PKN2: variants seen among roughly 807,000 people sequenced by gnomAD.
The protein encoded by PKN2 is protein kinase N2.
PKN2 carries 38 observed loss-of-function variants against 119.1 expected under a neutral mutation model. The ratio of observed to expected loss-of-function variants is 0.32; its 90% confidence interval spans 0.25 to 0.42. The LOEUF is 0.42. PKN2 is among the 10% of genes least tolerant of loss of function. The pLI, the probability that PKN2 is intolerant of heterozygous loss-of-function variation, is 1.00. For synonymous variants in PKN2, 390 were observed against 384.9 expected, an observed-to-expected ratio of 1.01 and a Z score of -0.15; for missense variants, 850 against 1,165.1, an observed-to-expected ratio of 0.73 and a Z score of 3.94.
In PKN2 at chr1:88,825,770, C is replaced by T. The variant is rs1672476149; in HGVS notation, c.2419+1384C>T. Among the ~76,000 whole-genome samples, 5 of 152,150 alleles carry T rather than the reference C, an allele frequency of 3.3e-5. No homozygotes were observed. The South Asian group carries it at 1.0e-3, about 31-fold the overall frequency. On this transcript the variant is annotated intron_variant, in intron 18 of 21. Coordinates refer to ENST00000370521, the MANE Select transcript of PKN2 (RefSeq NM_006256.4). ...TTAAGGAGTCCATATAAATACAGATCGGACCATGGCACATACCTGCTGAAA... is the reference window on the plus strand; with the variant it reads ...TTAAGGAGTCCATATAAATACAGATTGGACCATGGCACATACCTGCTGAAA...
At chr1:88,807,478 T>C in intron 13 of PKN2, 35 bp downstream of exon 13, 3 of 1,604,932 alleles carry the variant, frequency 1.9e-6, no homozygotes, top group Non-Finnish European at 2.6e-6. Flanking sequence ...CGACTACATG[T>C]TTGGTACCAT....
chr1:88,731,938 G>GT, intron 1 of PKN2, among the ~76,000 whole-genome samples: 1 of 152,288 alleles, frequency 6.6e-6, no homozygotes, highest in Middle Eastern at 3.4e-3. Flanking sequence ...GTCAGTTTAT[G>GT]TTTGAGTCTA....
chr1:88,762,658 A>G (rs963147224), intron 3 of PKN2, among the ~76,000 whole-genome samples: 1 of 152,310 alleles, frequency 6.6e-6, no homozygotes, highest in Non-Finnish European at 1.5e-5. Flanking sequence ...TAAGAGACCC[A>G]CTATCTTAAA....
At chr1:88,768,878 T>G (rs181462116) in intron 3 of PKN2, among the ~76,000 whole-genome samples, 46 of 152,296 alleles carry the variant, frequency 3.0e-4, no homozygotes, top group African/African-American at 1.1e-3. Flanking sequence ...GTGCTTCTGT[T>G]GAGGGCCTCA....
At chr1:88,752,651 C>T (rs960110259) in intron 2 of PKN2, among the ~76,000 whole-genome samples, 6 of 152,104 alleles carry the variant, frequency 3.9e-5, no homozygotes, top group African/African-American at 1.4e-4. Flanking sequence ...AATGAAATGA[C>T]TTACCTGTAA....
At chr1:88,827,992 C>G (rs908458502) in intron 18 of PKN2, among the ~76,000 whole-genome samples, 1 of 151,796 alleles carries the variant, frequency 6.6e-6, no homozygotes, top group Non-Finnish European at 1.5e-5. Flanking sequence ...CCCAAAGTGC[C>G]GTGATTACAA....
intron 18 of PKN2, 72 bp from the exon 19 acceptor site, chr1:88,828,409 A>T (rs1672595242): frequency 2.2e-6 from 3 of 1,369,974 alleles, no homozygotes; most frequent in Non-Finnish European, 3.0e-6. Context: ...CCTCCCAAAG[A>T]TAGCTTTGAT....
chr1:88,826,906 T>G (rs751855003), intron 18 of PKN2, among the ~76,000 whole-genome samples: 8 of 152,128 alleles, frequency 5.3e-5, no homozygotes, highest in African/African-American at 1.2e-4. Flanking sequence ...TATATCACTG[T>G]TTTTTTAAAT....
chr1:88,788,177 T>C (rs1030087135), intron 8 of PKN2, among the ~76,000 whole-genome samples: 3 of 152,190 alleles, frequency 2.0e-5, no homozygotes, highest in African/African-American at 7.2e-5. Context: ...TTTTTAGAGT[T>C]GTAGGATAAT....
chr1:88,755,145 T>G (rs532853623), intron 2 of PKN2, among the ~76,000 whole-genome samples: 18 of 152,250 alleles, frequency 1.2e-4, no homozygotes, highest in East Asian at 7.7e-4. Flanking sequence ...TTAAAAAATT[T>G]TTTGAATGGT....
chr1:88,760,188 C>G (rs761896065), intron 2 of PKN2, 34 bp from the exon 3 acceptor site: 43 of 1,211,260 alleles, frequency 3.6e-5, no homozygotes, highest in Non-Finnish European at 5.1e-5. Context: ...GCAATTCATT[C>G]TAATAAGTAA....
intron 1 of PKN2, among the ~76,000 whole-genome samples, chr1:88,703,955 A>G (rs1189945007): frequency 6.6e-6 from 1 of 152,174 alleles, no homozygotes; most frequent in Non-Finnish European, 1.5e-5. Flanking sequence ...TAAGAGACTT[A>G]AAAAGGCTTT....
In PKN2 at chr1:88,784,713, G is replaced by T. The variant is rs1253742289; in HGVS notation, c.1060G>T (p.Val354Phe). ...CCCTGGACGGTCAAAAGCAACATCA[G>T]TTGCACTGCCTGGTTGGAGTCCAAG... ...NVPGRSKATS[V>F]ALPGWSPSET... The change falls in exon 7 of 22, where the codon GTT (valine) becomes TTT (phenylalanine). Residue 354 changes from valine to phenylalanine, a missense_variant. By Grantham distance (50) the Val-to-Phe change is conservative. Transcript: ENST00000370521. 1 of 1,612,460 alleles carries T rather than the reference G, an allele frequency of 6.2e-7. No homozygotes were observed. The highest frequency in any genetic ancestry group is 1.3e-5 in the African/African-American group (1 of 74,982).
At chr1:88,701,337 G>A (rs887899202) in intron 1 of PKN2, among the ~76,000 whole-genome samples, 6 of 152,078 alleles carry the variant, frequency 3.9e-5, no homozygotes, top group Non-Finnish European at 5.9e-5. Flanking sequence ...CCAGCTACTC[G>A]GGATTGTATT....
At chr1:88,763,325 C>G (rs749359707) in intron 3 of PKN2, among the ~76,000 whole-genome samples, 1 of 152,104 alleles carries the variant, frequency 6.6e-6, no homozygotes, top group African/African-American at 2.4e-5. Flanking sequence ...CACATCCATC[C>G]GGCCACATGT....
chr1:88,708,801 A>G (rs1053780640), intron 1 of PKN2, among the ~76,000 whole-genome samples: 4 of 151,996 alleles, frequency 2.6e-5, no homozygotes, highest in African/African-American at 9.7e-5. Context: ...TGGAGATTAC[A>G]TTTATGTAAT....
chr1:88,714,390 G>A (rs546189841), intron 1 of PKN2, among the ~76,000 whole-genome samples: 7 of 152,222 alleles, frequency 4.6e-5, no homozygotes, highest in African/African-American at 7.2e-5. Flanking sequence ...CCATTTTCAC[G>A]ATATTGATTC....
intron 2 of PKN2, among the ~76,000 whole-genome samples, chr1:88,757,221 A>G (rs1283745334): frequency 6.6e-6 from 1 of 152,194 alleles, no homozygotes; most frequent in Non-Finnish European, 1.5e-5. Context: ...TATCTGTCTC[A>G]AAAGGTTATT....
At chr1:88,734,469 A>G (rs1401956745) in intron 1 of PKN2, among the ~76,000 whole-genome samples, 1 of 152,130 alleles carries the variant, frequency 6.6e-6, no homozygotes, top group Non-Finnish European at 1.5e-5. Flanking sequence ...TTTCCCATTG[A>G]GTGTACTTGG....
Sources: allele counts gnomAD v4.1 joint callset (sites outside exome capture counted in the v4.1 genomes callset), GRCh38; gene constraint gnomAD v4.1.1; transcripts MANE v1.5; gene names NCBI Gene and HGNC (gene_info 2026-07-23, HGNC 2026-07-21).